Variants in ZNF394 observed in about 807,000 individuals in gnomAD.
The protein encoded by ZNF394 is zinc finger protein 394.
In ZNF394, 19 loss-of-function variants were observed where a neutral mutation model predicts 21.8. That is an observed-to-expected ratio of 0.87 (90% CI 0.61 to 1.28). The LOEUF (loss-of-function observed/expected upper bound fraction) is 1.28. Among genes scored for constraint, ZNF394 ranks in the 50% most tolerant of loss-of-function variants. ZNF394 has a pLI of 0.00. For synonymous variants in ZNF394, 294 were observed against 273.3 expected (o/e 1.08, Z -0.75); for missense variants, 683 against 708.6 (o/e 0.96, Z 0.41).
At chr7:99,498,476 CAG>C (rs989170348) in intron 2 of ZNF394, 15 of 410,730 alleles carry the variant, frequency 3.7e-5, no homozygotes, top group African/African-American at 2.7e-4. Context: ...GTGGTAGACA[CAG>C]GGGATGGTCA....
At position 99,499,913 on chromosome 7, in the gene ZNF394, CG is replaced by C. The variant is rs764487233; in HGVS notation, c.180del (p.Glu61LysfsTer22). 9 of 1,614,142 alleles carry C rather than the reference CG, an allele frequency of 5.6e-6. No homozygotes were observed. Among genetic ancestry groups the C allele is most frequent in the Non-Finnish European group, 7.6e-6 (9 of 1,180,040 alleles). ...EPNYPAASPD[P>X]ETSRLHFRQL... ...TGCCTAAAGTGCAGTCGAGAAGTTT[CG>C]GGGTCCGGCGAAGCCGCGGGATAGT... On this transcript the variant is annotated frameshift_variant, in exon 1 of 3. Transcript: ENST00000337673. LOFTEE classifies it high-confidence loss of function.
chr7:99,490,532 G>A (rs1040311910), downstream of ZNF394, among the ~76,000 whole-genome samples: 2 of 151,826 alleles, frequency 1.3e-5, no homozygotes, highest in African/African-American at 4.8e-5. Flanking sequence ...TTGGGAGGCT[G>A]AGGTGGAAGG....
At chr7:99,496,143 G>C (rs901927675) in intron 2 of ZNF394, among the ~76,000 whole-genome samples, 5 of 151,742 alleles carry the variant, frequency 3.3e-5, no homozygotes, top group Non-Finnish European at 7.4e-5. Context: ...ATTTTAGTAG[G>C]TATTATAGTA....
At chr7:99,497,120 G>GTGTATATATATATATATATA (rs1396895150) in intron 2 of ZNF394, among the ~76,000 whole-genome samples, 2 of 91,380 alleles carry the variant, frequency 2.2e-5, no homozygotes, top group Admixed American at 1.2e-4. Context: ...GTGTGTGTGT[G>GTGTATATATATATATATATA]TGTATATATA....
intron 2 of ZNF394, among the ~76,000 whole-genome samples, 181 bp from the exon 3 acceptor site, chr7:99,494,812 G>A (rs963673260): frequency 6.6e-6 from 1 of 152,040 alleles, no homozygotes; most frequent in Admixed American, 6.6e-5. Flanking sequence ...TCAGTTCACT[G>A]CAACCTCTGC....
intron 2 of ZNF394, among the ~76,000 whole-genome samples, chr7:99,497,399 C>T (rs1424271703): frequency 1.3e-5 from 2 of 150,862 alleles, no homozygotes; most frequent in African/African-American, 2.4e-5. Flanking sequence ...CCAGGATAGT[C>T]TCAATCTCCT....
At chr7:99,492,859 AGAGGAT>A (rs758515860), downstream of ZNF394, among the ~76,000 whole-genome samples, 9 of 151,224 alleles carry the variant, frequency 6.0e-5, no homozygotes, top group Admixed American at 4.0e-4. Context: ...GGTTAAGGCA[AGAGGAT>A]CACTTGAGCC....
In ZNF394 at chr7:99,486,740, A is replaced by T. The variant is rs1799976127; in HGVS notation, n.307T>A. 6.2e-7 allele frequency: 1 copy of T among 1,614,148 alleles called. No individual in the cohort carries two copies. On this transcript the variant is annotated non_coding_transcript_exon_variant, in exon 2 of 2. Transcript: ENST00000462024. Reference sequence around the variant, plus strand: ...AGGTGGAAGCAGGGCAGATATGATGAGGATGGCAAACCCTTCAATCAAAGA... The same window carrying T: ...AGGTGGAAGCAGGGCAGATATGATGTGGATGGCAAACCCTTCAATCAAAGA...
At chr7:99,490,355 C>T (rs184750208), downstream of ZNF394, among the ~76,000 whole-genome samples, 2 of 152,012 alleles carry the variant, frequency 1.3e-5, no homozygotes, top group African/African-American at 4.8e-5. Flanking sequence ...GGGTTTCGTT[C>T]GCCATGTTGG....
chr7:99,497,197 G>A (rs1273657605), intron 2 of ZNF394, among the ~76,000 whole-genome samples: 1 of 144,030 alleles, frequency 6.9e-6, no homozygotes, highest in Non-Finnish European at 1.5e-5. Flanking sequence ...GTCTTGCTCT[G>A]TCACCCAGGC....
chr7:99,493,438 G>C lies in ZNF394; in HGVS notation c.*91C>G, dbSNP rs1357453937. 8 of 1,224,364 alleles carry C rather than the reference G, an allele frequency of 6.5e-6. No individual in the cohort carries two copies. Among genetic ancestry groups the C allele is most frequent in the Middle Eastern group, 5.6e-4 (2 of 3,568 alleles). The allele number at this position is 1,224,364 out of a possible 1,614,324, so 75.8% of individuals were successfully genotyped here. On this transcript the variant is annotated 3_prime_UTR_variant, in exon 3 of 3. Coordinates refer to ENST00000337673, the MANE Select transcript of ZNF394 (RefSeq NM_032164.4). ...TGCCCGGCTCATTTTTGTATTTTTA[G>C]TAGAGACAGGATTTTACCATGTTGG... is the stretch of plus-strand genomic sequence containing the variant.
chr7:99,487,181 G>A (rs779145089), intron 1 of ZNF394: 8 of 1,613,936 alleles, frequency 5.0e-6, no homozygotes, highest in Middle Eastern at 1.6e-4. Context: ...GCCTTTGGCC[G>A]GCATTCAACC....
chr7:99,486,985 T>C, intron 1 of ZNF394: 2 of 1,614,162 alleles, frequency 1.2e-6, no homozygotes, highest in Non-Finnish European at 8.5e-7. Context: ...GCCATACAGA[T>C]GTCATGACTG....
chr7:99,496,912 TTAG>T (rs1250258040), intron 2 of ZNF394, among the ~76,000 whole-genome samples: 1 of 151,230 alleles, frequency 6.6e-6, no homozygotes, highest in Non-Finnish European at 1.5e-5. Flanking sequence ...AGAAAAATTA[TTAG>T]TATTGCTGGT....
At position 99,493,707 on chromosome 7, in the gene ZNF394, C is replaced by T. The variant is rs766177031; in HGVS notation, c.1508G>A (p.Gly503Glu). 2.5e-6 allele frequency: 4 copies of T among 1,614,172 alleles called. No individual in the cohort carries two copies. In the East Asian group the frequency reaches 6.7e-5, roughly 27 times the overall value. ...GEKPYGCSVC[G>E]KRFNQSATLI... The stretch of plus-strand genomic sequence containing the variant: ...GGTTGCACTCTGATTGAAGCGTTTC[C>T]CACAGACGGAACATCCATAGGGCTT... The change falls in exon 3 of 3, where the codon GGG becomes GAG. Residue 503 changes from glycine (G) to glutamate (E), a missense_variant. Gly to Glu is a moderately conservative substitution (Grantham distance 98). Coordinates refer to ENST00000337673, the MANE Select transcript of ZNF394 (RefSeq NM_032164.4).
chr7:99,492,140 G>T (rs1003435980), downstream of ZNF394, among the ~76,000 whole-genome samples: 2 of 151,762 alleles, frequency 1.3e-5, no homozygotes, highest in African/African-American at 4.8e-5. Flanking sequence ...CCTAGAATGG[G>T]AAAGAAAGAG....
Position 99,498,776 on chromosome 7 carries a change from C to G in ZNF394, c.523G>C (p.Ala175Pro). 6.2e-7 allele frequency: 1 copy of G among 1,614,154 alleles called. No individual in the cohort carries two copies. Among genetic ancestry groups the G allele is most frequent in the Non-Finnish European group, 8.5e-7 (1 of 1,180,036 alleles). The stretch of plus-strand genomic sequence containing the variant: ...CTCTCTCTGCAGAAGTCCCTCCGTG[C>G]TGGGTCCAGGCGCTCCCACTCCTCC... ...TWEEWERLDP[A>P]RRDFCRESAQ... The change falls in exon 2 of 3, where the codon GCA becomes CCA. Residue 175 changes from alanine (A) to proline (P), a missense_variant. Ala to Pro is a conservative substitution (Grantham distance 27). Around this residue, in one of 3 missense-constraint regions of ZNF394, gnomAD observed 402 missense variants for 373.8 expected, o/e 1.08. Coordinates refer to ENST00000337673, the MANE Select transcript of ZNF394 (RefSeq NM_032164.4).
chr7:99,492,631 CT>C (rs747264814), downstream of ZNF394, among the ~76,000 whole-genome samples: 5 of 134,248 alleles, frequency 3.7e-5, no homozygotes, highest in Non-Finnish European at 6.2e-5. Flanking sequence ...CAGAGCGAGA[CT>C]CCATCTCAAA....
At chr7:99,492,863 G>A (rs1193894474), downstream of ZNF394, among the ~76,000 whole-genome samples, 1 of 151,794 alleles carries the variant, frequency 6.6e-6, no homozygotes, top group African/African-American at 2.4e-5. Context: ...AAGGCAAGAG[G>A]ATCACTTGAG....
Sources: gnomAD v4.1 joint callset for allele counts (sites outside exome capture counted in the v4.1 genomes callset) on GRCh38, gnomAD v4.1.1 for gene constraint, gnomAD v4.1.1 regional missense constraint, MANE v1.5 for transcripts, NCBI Gene and HGNC (gene_info 2026-07-23, HGNC 2026-07-21) for gene names.